The following MSH3 variants were observed in gnomAD, a reference collection of about 807,000 sequenced individuals.
MSH3 encodes the protein DNA mismatch repair protein Msh3.
A neutral mutation model predicts 123.3 loss-of-function variants in MSH3; 106 were observed. The observed-to-expected ratio is 0.86, with a 90% CI of 0.73 to 1.01. The LOEUF (loss-of-function observed/expected upper bound fraction) is 1.01, where lower values mean the gene tolerates loss of function less well. Ranked by LOEUF, MSH3 falls within the 50% of genes least tolerant of loss-of-function variation. The pLI is 0.00. For missense variants in MSH3, 1,459 were observed against 1,347.6 expected (o/e 1.08, Z -1.29); for synonymous variants, 515 against 481.4 (o/e 1.07, Z -0.91).
intron 2 of MSH3, among the ~76,000 whole-genome samples, chr5:80,660,984 A>C (rs1168590178): frequency 6.6e-6 from 1 of 152,070 alleles, no homozygotes; most frequent in African/African-American, 2.4e-5. Flanking sequence ...TTTTTAATAG[A>C]GATGGGGTTT....
intron 10 of MSH3, among the ~76,000 whole-genome samples, chr5:80,740,210 C>A (rs983717793): frequency 6.6e-6 from 1 of 152,160 alleles, no homozygotes; most frequent in African/African-American, 2.4e-5. Flanking sequence ...ATTCTCAAAT[C>A]TTTTTGAAAT....
chr5:80,748,691 TAC>T (rs36206914), intron 12 of MSH3, among the ~76,000 whole-genome samples: 7,047 of 147,358 alleles, frequency 0.048, 180 homozygotes, highest in Middle Eastern at 0.085. Context: ...ATTTTTTATT[TAC>T]ACACACACAC....
chr5:80,771,458 A>G (rs1350125787), intron 15 of MSH3, among the ~76,000 whole-genome samples: 1 of 151,716 alleles, frequency 6.6e-6, no homozygotes, highest in Non-Finnish European at 1.5e-5. Flanking sequence ...AGCCTGGGCA[A>G]CAGAGAGAAA....
chr5:80,860,554 A>G (rs867772215), intron 21 of MSH3, among the ~76,000 whole-genome samples: 1 of 150,440 alleles, frequency 6.6e-6, no homozygotes, highest in African/African-American at 2.4e-5. Context: ...TTGTGTGGAT[A>G]AGGTGTTTCT....
At chr5:80,736,493 A>G (rs1561460718) in intron 10 of MSH3, among the ~76,000 whole-genome samples, 1 of 152,224 alleles carries the variant, frequency 6.6e-6, no homozygotes, top group Non-Finnish European at 1.5e-5. Context: ...TTAACATAGC[A>G]GGCCTAATCA....
intron 8 of MSH3, among the ~76,000 whole-genome samples, chr5:80,722,678 C>T (rs1378271398): frequency 6.6e-6 from 1 of 152,134 alleles, no homozygotes; most frequent in East Asian, 1.9e-4. Flanking sequence ...ATAAAACCTT[C>T]ATGGAGGAAA....
At chr5:80,801,096 A>G (rs1294474648) in intron 19 of MSH3, among the ~76,000 whole-genome samples, 1 of 152,230 alleles carries the variant, frequency 6.6e-6, no homozygotes, top group Non-Finnish European at 1.5e-5. Flanking sequence ...GGAGGGTGGT[A>G]GAAGAATGGA....
chr5:80,719,403 G>A (rs906405800), intron 8 of MSH3, among the ~76,000 whole-genome samples: 4 of 152,024 alleles, frequency 2.6e-5, no homozygotes, highest in Non-Finnish European at 5.9e-5. Flanking sequence ...TTATTGGATA[G>A]GTCAAACTAT....
chr5:80,725,492 C>A lies in MSH3; in HGVS notation c.1380C>A (p.Asn460Lys), dbSNP rs1580587428. The A allele has an allele frequency of 3.7e-6, 6 of 1,613,692 alleles. No homozygotes were observed. The highest frequency in any genetic ancestry group is 5.1e-6 in the Non-Finnish European group (6 of 1,179,870). The change falls in exon 9 of 24, where the codon AAC (asparagine) becomes AAA (lysine). Residue 460 changes from asparagine (N) to lysine (K), a missense_variant. Coordinates refer to ENST00000265081, the MANE Select transcript of MSH3 (RefSeq NM_002439.5). ...DDRIRVERMD[N>K]IYFEYSHAFQ... ...GAATTCGAGTCGAAAGGATGGATAACATTTATTTTGAATACAGCCATGCTT... is the reference window on the plus strand; with the variant it reads ...GAATTCGAGTCGAAAGGATGGATAAAATTTATTTTGAATACAGCCATGCTT...
intron 10 of MSH3, among the ~76,000 whole-genome samples, chr5:80,734,809 C>T (rs1276163087): frequency 6.6e-6 from 1 of 152,156 alleles, no homozygotes; most frequent in Non-Finnish European, 1.5e-5. Context: ...TTCTGTCTCA[C>T]AAATTCTAGT....
intron 21 of MSH3, among the ~76,000 whole-genome samples, chr5:80,861,711 G>C (rs979749730): frequency 6.6e-6 from 1 of 152,132 alleles, no homozygotes; most frequent in Non-Finnish European, 1.5e-5. Context: ...TTGACTCTCA[G>C]ACTTGTTGAC....
chr5:80,665,211 G>T lies in MSH3; in HGVS notation c.427G>T (p.Asp143Tyr), dbSNP rs138381683. Residue 143 changes from aspartate (D) to tyrosine (Y), a missense_variant, in exon 3 of 24, where the codon GAT becomes TAT. Physicochemically the swap from Asp to Tyr is radical, Grantham distance 160. Coordinates refer to ENST00000265081, the MANE Select transcript of MSH3 (RefSeq NM_002439.5). ...SLEKLKEFCC[D>Y]SALPQSRVQT... ...GGAAAAATTGAAAGAATTCTGCTGC[G>T]ATTCTGCCCTTCCTCAAAGTAGAGT... 34 of 1,614,128 alleles carry T rather than the reference G, an allele frequency of 2.1e-5. No homozygotes were observed. Among genetic ancestry groups the T allele is most frequent in the Non-Finnish European group, 2.8e-5 (33 of 1,179,992 alleles).
chr5:80,835,034 A>G (rs927509117), intron 20 of MSH3, among the ~76,000 whole-genome samples: 1 of 152,246 alleles, frequency 6.6e-6, no homozygotes, highest in South Asian at 2.1e-4. Context: ...TCCAGCACCA[A>G]GACTTTTTCA....
At chr5:80,822,859 T>C (rs921968022) in intron 20 of MSH3, among the ~76,000 whole-genome samples, 1 of 152,242 alleles carries the variant, frequency 6.6e-6, no homozygotes, top group Non-Finnish European at 1.5e-5. Flanking sequence ...GACATGCCTT[T>C]ATCTCATGAC....
intron 19 of MSH3, among the ~76,000 whole-genome samples, chr5:80,794,696 G>A (rs991800646): frequency 6.6e-6 from 1 of 152,202 alleles, no homozygotes; most frequent in African/African-American, 2.4e-5. Flanking sequence ...AAGGAACAGA[G>A]TTTGGGAAAA....
At chr5:80,755,984 C>T (rs1230129578) in intron 12 of MSH3, among the ~76,000 whole-genome samples, 1 of 152,028 alleles carries the variant, frequency 6.6e-6, no homozygotes, top group Non-Finnish European at 1.5e-5. Flanking sequence ...AGCTGTGAAA[C>T]TTATTTAAAA....
chr5:80,761,970 A>T (rs1311931943), intron 13 of MSH3, among the ~76,000 whole-genome samples: 1 of 152,122 alleles, frequency 6.6e-6, no homozygotes, highest in Non-Finnish European at 1.5e-5. Context: ...ACAGACTATT[A>T]TCAAAATAGG....
At chr5:80,783,650 C>T (rs1249147513) in intron 17 of MSH3, among the ~76,000 whole-genome samples, 2 of 152,128 alleles carry the variant, frequency 1.3e-5, no homozygotes, top group African/African-American at 4.8e-5. Context: ...TAGCTACCCT[C>T]AAGTCAAGCT....
At chr5:80,869,412 G>A (rs1242312870) in intron 22 of MSH3, among the ~76,000 whole-genome samples, 2 of 152,096 alleles carry the variant, frequency 1.3e-5, no homozygotes, top group East Asian at 1.9e-4. Flanking sequence ...AAGAAATAGA[G>A]TTTTTCTCAT....
Sources: allele counts gnomAD v4.1 joint callset (sites outside exome capture counted in the v4.1 genomes callset), GRCh38; gene constraint gnomAD v4.1.1; transcripts MANE v1.5; gene names NCBI Gene and HGNC (gene_info 2026-07-23, HGNC 2026-07-21).